The following CUL5 variants were observed in gnomAD, a reference collection of about 807,000 sequenced individuals.
CUL5 encodes cullin 5.
Under a neutral mutation model 108.8 loss-of-function variants are expected in CUL5, and 26 were observed. The observed-to-expected ratio is 0.24, with a 90% CI of 0.18 to 0.33. The LOEUF is 0.33. Among genes scored for constraint, CUL5 ranks in the 10% least tolerant of loss-of-function variants. CUL5 has a pLI of 1.00. For synonymous variants in CUL5, 334 were observed against 298.0 expected, an observed-to-expected ratio of 1.12 and a Z score of -1.25; for missense variants, 524 against 909.2, an observed-to-expected ratio of 0.58 and a Z score of 5.45.
intron 17 of CUL5, 107 bp from the exon 18 acceptor site, chr11:108,098,299 C>A: frequency 1.0e-6 from 1 of 999,526 alleles, no homozygotes; most frequent in Non-Finnish European, 1.4e-6. Flanking sequence ...TTAAACAGTT[C>A]TGATATTTTA....
At chr11:108,066,296 A>G (rs1334057511) in intron 7 of CUL5, among the ~76,000 whole-genome samples, 2 of 152,096 alleles carry the variant, frequency 1.3e-5, no homozygotes, top group Non-Finnish European at 2.9e-5. Flanking sequence ...GTGAGCCAAG[A>G]TCACGCCACT....
chr11:108,039,026 T>C (rs76275991), intron 2 of CUL5, among the ~76,000 whole-genome samples: 1 of 151,982 alleles, frequency 6.6e-6, no homozygotes, highest in Non-Finnish European at 1.5e-5. Context: ...TTTTTTTTTT[T>C]CTTTTTAAAT....
intron 10 of CUL5, among the ~76,000 whole-genome samples, chr11:108,075,996 C>G (rs1863932634): frequency 6.6e-6 from 1 of 151,980 alleles, no homozygotes; most frequent in Admixed American, 6.6e-5. Flanking sequence ...AGCATGAATC[C>G]AATATACAGT....
At position 108,094,326 on chromosome 11, in the gene CUL5, T is replaced by A. The variant is rs1447699278; in HGVS notation, c.1444-65T>A. 9.8e-6 allele frequency: 12 copies of A among 1,221,248 alleles called. No individual in the cohort carries two copies. In the Admixed American group the frequency reaches 2.6e-4, roughly 27 times the overall value. The allele number at this position is 1,221,248 out of a possible 1,614,324, so 75.7% of individuals were successfully genotyped here. ...TTAAGACTTAGTTTTTCTATTAAAA[T>A]TTTTCCCAGTAATATATCAGATTAT... On this transcript the variant is annotated intron_variant, in intron 13 of 18. Transcript: ENST00000393094.
intron 7 of CUL5, among the ~76,000 whole-genome samples, chr11:108,057,729 A>G (rs1190897402): frequency 1.3e-5 from 2 of 152,216 alleles, no homozygotes; most frequent in Admixed American, 1.3e-4. Context: ...CTGGAATAGG[A>G]GAAGGATATT....
In CUL5 at chr11:108,105,203, A is replaced by G. The variant is rs1864763821; in HGVS notation, c.*819A>G. 1 of 152,188 alleles carries G rather than the reference A, an allele frequency of 6.6e-6. No individual in the cohort carries two copies. Among genetic ancestry groups the G allele is most frequent in the South Asian group, 2.1e-4 (1 of 4,834 alleles). 9.4% of individuals were successfully genotyped at this position (152,188 alleles called of 1,614,324 possible). ...TTGCAGAGCCAAAATAGCAAAACAA[A>G]CATATTAAGTGTGTTTACTAAACAT... On this transcript the variant is annotated 3_prime_UTR_variant, in exon 19 of 19. Transcript: ENST00000393094.
intron 1 of CUL5, among the ~76,000 whole-genome samples, chr11:108,033,437 G>A (rs1862645796): frequency 6.6e-6 from 1 of 152,170 alleles, no homozygotes; most frequent in Non-Finnish European, 1.5e-5. Flanking sequence ...GGTGTGGACA[G>A]TCCCCTCCCT....
chr11:108,046,454 G>A, intron 3 of CUL5, 85 bp downstream of exon 3: 1 of 731,376 alleles, frequency 1.4e-6, no homozygotes, highest in Non-Finnish European at 2.2e-6. Context: ...AGAACTTCTT[G>A]AAGTAATTTC....
chr11:108,027,331 G>A lies in CUL5; in HGVS notation c.25-6471G>A, dbSNP rs547882833. On this transcript the variant is annotated intron_variant, in intron 1 of 18. Transcript: ENST00000393094. ...CTGCTGTCCAGGCTGGAGTGCAGTG[G>A]CACAATCTTGGCTCACTGCAAACTC... is the stretch of plus-strand genomic sequence containing the variant. Among the ~76,000 whole-genome samples the A allele has an allele frequency of 3.3e-5, 5 of 151,740 alleles. No homozygotes were observed. The East Asian group carries it at 9.7e-4, about 30-fold the overall frequency.
At chr11:108,037,784 T>A (rs926180007) in intron 2 of CUL5, among the ~76,000 whole-genome samples, 1 of 152,234 alleles carries the variant, frequency 6.6e-6, no homozygotes, top group Non-Finnish European at 1.5e-5. Context: ...TCACACTGTT[T>A]GTGTAAACAG....
chr11:108,053,076 A>C (rs988630802), intron 5 of CUL5, among the ~76,000 whole-genome samples: 9 of 152,204 alleles, frequency 5.9e-5, no homozygotes, highest in Non-Finnish European at 1.3e-4. Flanking sequence ...TGTGTAGCTC[A>C]TAAAAGGTAA....
chr11:108,106,221 G>A lies in CUL5; in HGVS notation c.*1837G>A, dbSNP rs1864797272. On this transcript the variant is annotated 3_prime_UTR_variant, in exon 19 of 19. Transcript: ENST00000393094. ...ATGTTTAACAGATAATTCAGCATTG[G>A]CGTATTTGCTTGTCCCAATACAAGA... The A allele has an allele frequency of 6.6e-6, 1 of 152,492 alleles. No individual in the cohort carries two copies. The highest frequency in any genetic ancestry group is 2.1e-4 in the South Asian group (1 of 4,818). 9.4% of individuals were successfully genotyped at this position (152,492 alleles called of 1,614,324 possible). A position where few individuals can be genotyped will look rare whatever the true frequency, so the allele number is the denominator to read the frequency against.
chr11:108,072,263 A>T, intron 8 of CUL5, 69 bp from the exon 9 acceptor site: 1 of 1,262,346 alleles, frequency 7.9e-7, no homozygotes, highest in Non-Finnish European at 1.1e-6. Context: ...TTACAAACTT[A>T]ACTAATGTTT....
intron 1 of CUL5, among the ~76,000 whole-genome samples, chr11:108,016,929 A>G (rs1447477161): frequency 6.6e-6 from 1 of 152,216 alleles, no homozygotes; most frequent in Non-Finnish European, 1.5e-5. Context: ...GTTGGAGACT[A>G]GATTGGGCAG....
chr11:108,042,597 C>T (rs986465413), intron 2 of CUL5, among the ~76,000 whole-genome samples: 2 of 151,560 alleles, frequency 1.3e-5, no homozygotes, highest in African/African-American at 4.8e-5. Context: ...GCCTGGCAAA[C>T]TCCTATTTTT....
chr11:108,072,527 T>G (rs933429475), intron 9 of CUL5, 65 bp downstream of exon 9: 4 of 1,406,166 alleles, frequency 2.8e-6, no homozygotes, highest in Non-Finnish European at 2.9e-6. Context: ...GTAGGATTAT[T>G]GAAAATAGTG....
At chr11:108,069,663 C>A (rs1863773973) in intron 7 of CUL5, among the ~76,000 whole-genome samples, 2 of 152,178 alleles carry the variant, frequency 1.3e-5, no homozygotes. Flanking sequence ...TCTTCGAGAG[C>A]AGGAATTATA....
chr11:108,027,250 A>G (rs1287700815), intron 1 of CUL5, among the ~76,000 whole-genome samples: 1 of 149,632 alleles, frequency 6.7e-6, no homozygotes, highest in African/African-American at 2.5e-5. Context: ...AGCTGGGATT[A>G]TAGGCGCCAC....
At chr11:108,081,008 C>T (rs1262130490) in intron 11 of CUL5, among the ~76,000 whole-genome samples, 3 of 151,482 alleles carry the variant, frequency 2.0e-5, no homozygotes, top group Non-Finnish European at 2.9e-5. Context: ...TTTATAGGGC[C>T]GGGCACAGTG....
Sources: allele counts gnomAD v4.1 joint callset (sites outside exome capture counted in the v4.1 genomes callset), GRCh38; gene constraint gnomAD v4.1.1; transcripts MANE v1.5; gene names NCBI Gene and HGNC (gene_info 2026-07-23, HGNC 2026-07-21).